The following KMT2C variants were observed in gnomAD, a reference collection of about 807,000 sequenced individuals.
KMT2C encodes the protein lysine methyltransferase 2C.
KMT2C carries 88 observed loss-of-function variants against 507.9 expected under a neutral mutation model. That is an observed-to-expected ratio of 0.17 (90% CI 0.15 to 0.21). The LOEUF is 0.21. Among genes scored for constraint, KMT2C ranks in the 10% least tolerant of loss-of-function variants. The pLI, the probability that KMT2C is intolerant of heterozygous loss-of-function variation, is 1.00. For synonymous variants in KMT2C, 2,049 were observed against 2,080.8 expected (o/e 0.98, Z 0.42); for missense variants, 4,954 against 5,957.8 (o/e 0.83, Z 5.55).
At chr7:152,250,266 T>TA (rs1167705120) in intron 12 of KMT2C, among the ~76,000 whole-genome samples, 1 of 152,194 alleles carries the variant, frequency 6.6e-6, no homozygotes, top group African/African-American at 2.4e-5. Context: ...AGTGGCTTTT[T>TA]ATGTATACAT....
chr7:152,181,236 T>G lies in KMT2C; in HGVS notation c.6624A>C (p.Gly2208=). The G allele has an allele frequency of 1.4e-5, 23 of 1,614,086 alleles. No homozygotes were observed. The highest frequency in any genetic ancestry group is 1.9e-5 in the Non-Finnish European group (23 of 1,180,026). Residue 2208 remains glycine, a synonymous_variant, in exon 36 of 59, where the codon GGA becomes GGC. Transcript: ENST00000262189. ...RHSDPYAHPP[G]TPRPGISVPY... is the part of the protein sequence containing the mutation. ...GGACAGAAATTCCAGGTCTTGGTGT[T>G]CCAGGAGGATGAGCATATGGATCAG...
chr7:152,397,033 A>G (rs1489736989), intron 1 of KMT2C, among the ~76,000 whole-genome samples: 1 of 152,216 alleles, frequency 6.6e-6, no homozygotes, highest in Non-Finnish European at 1.5e-5. Flanking sequence ...CCTTCAATCT[A>G]GTTTAAAACC....
intron 2 of KMT2C, among the ~76,000 whole-genome samples, chr7:152,357,992 C>T (rs1353104614): frequency 6.6e-6 from 1 of 152,190 alleles, no homozygotes; most frequent in Non-Finnish European, 1.5e-5. Flanking sequence ...CTATCTCCTA[C>T]AGGTATCCTC....
intron 23 of KMT2C, among the ~76,000 whole-genome samples, chr7:152,209,253 G>A (rs1221420462): frequency 6.6e-6 from 1 of 151,520 alleles, no homozygotes; most frequent in Non-Finnish European, 1.5e-5. Flanking sequence ...TCAGGAGATC[G>A]AGACCATCCT....
In KMT2C at chr7:152,168,833, G is replaced by A. The variant is rs80076804; in HGVS notation, c.9517+353C>T. Reference sequence around the variant, plus strand: ...AATCCCTTTGTTTTTCCCATTTAGTGTCCTTGTCACTTAGGAAGACAGTTC... The same window carrying A: ...AATCCCTTTGTTTTTCCCATTTAGTATCCTTGTCACTTAGGAAGACAGTTC... On this transcript the variant is annotated intron_variant, in intron 41 of 58. Coordinates refer to ENST00000262189, the MANE Select transcript of KMT2C (RefSeq NM_170606.3). Among the ~76,000 whole-genome samples the A allele has an allele frequency of 5.7e-4, 86 of 152,210 alleles. 2 individuals carry two copies. In the East Asian group the frequency reaches 0.017, roughly 29 times the overall value.
chr7:152,377,013 T>A (rs1474330945), intron 1 of KMT2C, among the ~76,000 whole-genome samples: 1 of 139,334 alleles, frequency 7.2e-6, no homozygotes, highest in African/African-American at 3.2e-5. Flanking sequence ...GGCGAGACTC[T>A]TGTCTCTTTT....
At chr7:152,141,880 A>G (rs1016594271) in intron 55 of KMT2C, among the ~76,000 whole-genome samples, 1 of 151,948 alleles carries the variant, frequency 6.6e-6, no homozygotes, top group South Asian at 2.1e-4. Flanking sequence ...AAATTAGCCA[A>G]GTATTGTGGC....
chr7:152,313,434 T>C (rs1046838893), intron 4 of KMT2C, among the ~76,000 whole-genome samples: 1 of 152,110 alleles, frequency 6.6e-6, no homozygotes, highest in Non-Finnish European at 1.5e-5. Context: ...GTATATACCA[T>C]ATCAGTAAGA....
chr7:152,157,636 A>C, intron 44 of KMT2C: 2 of 527,550 alleles, frequency 3.8e-6, no homozygotes, highest in South Asian at 6.7e-5. Context: ...CCTGTAGCTG[A>C]ACTTAAGTTT....
chr7:152,136,717 CAA>C lies in KMT2C; in HGVS notation c.*113_*114del, dbSNP rs2089905248. ...AAATCAGAACTCCCAGAAGCTTTTT[CAA>C]AAAGTCATAAAACAGAAAACAAAAA... On this transcript the variant is annotated 3_prime_UTR_variant, in exon 59 of 59. Transcript: ENST00000262189. 3.4e-5 allele frequency: 26 copies of C among 759,294 alleles called. 1 individual carries two copies. In the South Asian group the frequency reaches 4.2e-4, roughly 12 times the overall value. The allele number at this position is 759,294 out of a possible 1,614,324, so 47.0% of individuals were successfully genotyped here. A position where few individuals can be genotyped will look rare whatever the true frequency, so the allele number is the denominator to read the frequency against.
chr7:152,232,271 A>G (rs2095141633), intron 16 of KMT2C, among the ~76,000 whole-genome samples: 1 of 152,264 alleles, frequency 6.6e-6, no homozygotes, highest in African/African-American at 2.4e-5. Flanking sequence ...TAATGCCAAT[A>G]TTCATCATTA....
intron 1 of KMT2C, among the ~76,000 whole-genome samples, chr7:152,388,041 T>C (rs2097448099): frequency 1.3e-5 from 2 of 150,330 alleles, no homozygotes; most frequent in Non-Finnish European, 3.0e-5. Context: ...AATTCCCACA[T>C]AATCATGTTA....
chr7:152,289,121 T>C (rs1459473917), intron 6 of KMT2C, among the ~76,000 whole-genome samples: 1 of 152,278 alleles, frequency 6.6e-6, no homozygotes, highest in Non-Finnish European at 1.5e-5. Flanking sequence ...AGTAAAAATA[T>C]GGGCAATAAA....
intron 4 of KMT2C, 32 bp from the exon 5 acceptor site, chr7:152,311,978 A>G (rs201873695): frequency 1.3e-6 from 2 of 1,512,316 alleles, no homozygotes; most frequent in Non-Finnish European, 1.8e-6. Context: ...TGTGAAAGTG[A>G]AAACAAGCAG....
chr7:152,421,564 A>G (rs1419583520), intron 1 of KMT2C, among the ~76,000 whole-genome samples: 1 of 152,230 alleles, frequency 6.6e-6, no homozygotes, highest in Non-Finnish European at 1.5e-5. Context: ...GCAGCCATAA[A>G]AAAAGAATGA....
At chr7:152,336,910 A>G (rs1000153599) in intron 2 of KMT2C, among the ~76,000 whole-genome samples, 6 of 152,308 alleles carry the variant, frequency 3.9e-5, no homozygotes, top group Admixed American at 1.3e-4. Context: ...GGATAAGGAC[A>G]GGCAAGGCGA....
intron 37 of KMT2C, 148 bp downstream of exon 37, chr7:152,179,686 T>C (rs555388076): frequency 4.0e-6 from 2 of 503,078 alleles, no homozygotes; most frequent in Middle Eastern, 5.6e-4. Context: ...GGTCTCACTA[T>C]ATTGCCCAGG....
intron 4 of KMT2C, 54 bp from the exon 5 acceptor site, chr7:152,312,000 A>G: frequency 7.0e-7 from 1 of 1,429,610 alleles, no homozygotes; most frequent in East Asian, 2.3e-5. Flanking sequence ...AAATTGTTTC[A>G]TTTTTAACTG....
At chr7:152,345,499 C>A (rs1472117721) in intron 2 of KMT2C, among the ~76,000 whole-genome samples, 2 of 152,078 alleles carry the variant, frequency 1.3e-5, no homozygotes, top group Non-Finnish European at 2.9e-5. Context: ...AATTAAAAGA[C>A]AGAAATTGTT....
Sources: allele counts gnomAD v4.1 joint callset (sites outside exome capture counted in the v4.1 genomes callset), GRCh38; gene constraint gnomAD v4.1.1; transcripts MANE v1.5; gene names NCBI Gene and HGNC (gene_info 2026-07-23, HGNC 2026-07-21).